HOMER2: variants seen among roughly 807,000 people sequenced by gnomAD.
The protein encoded by HOMER2 is homer protein homolog 2.
Under a neutral mutation model 47.0 loss-of-function variants are expected in HOMER2, and 27 were observed. That is an observed-to-expected ratio of 0.57 (90% CI 0.42 to 0.79). HOMER2 has a LOEUF of 0.79. Among genes scored for constraint, HOMER2 ranks in the 30% least tolerant of loss-of-function variants. The probability of loss-of-function intolerance (pLI) is 0.00; values close to 1 mark genes in which losing one functional copy is unlikely to be tolerated. For missense variants in HOMER2, 443 were observed against 435.0 expected, an observed-to-expected ratio of 1.02 and a Z score of -0.16; for synonymous variants, 161 against 163.8, an observed-to-expected ratio of 0.98 and a Z score of 0.13.
chr15:82,852,120 T>C (rs377071404), intron 7 of HOMER2, 22 bp downstream of exon 7: 2 of 1,578,876 alleles, frequency 1.3e-6, no homozygotes, highest in African/African-American at 2.7e-5. Context: ...CAAGGGGCCC[T>C]GCTCGGAGCA....
In HOMER2 at chr15:82,849,709, C is replaced by T. The variant is rs747264854; in HGVS notation, c.*6G>A. The T allele has an allele frequency of 1.9e-6, 3 of 1,611,396 alleles. No homozygotes were observed. The highest frequency in any genetic ancestry group is 2.2e-5 in the East Asian group (1 of 44,828). On this transcript the variant is annotated 3_prime_UTR_variant, in exon 9 of 9. Transcript: ENST00000450735. The stretch of plus-strand genomic sequence containing the variant: ...CTCACGGGCGGGGCCTGGGCCTCGG[C>T]CAGCCCTAGTTATCGGTGCCCAGCT...
rs564690199 is a variant in HOMER2 at position 82,867,058 on chromosome 15, T to C, written c.295-2799A>G. ...TGACTAAGGGGGAAACAGAAATTAA[T>C]GAGGAAGATTATTCAACATATAATT... On this transcript the variant is annotated intron_variant, in intron 3 of 8. Transcript: ENST00000450735. 3.3e-5 allele frequency among the ~76,000 whole-genome samples: 5 copies of C among 152,244 alleles called. 1 individual carries two copies. In the South Asian group the frequency reaches 1.0e-3, roughly 32 times the overall value.
exon 2 of HOMER2, chr15:82,958,772 G>C (rs1287035767): frequency 6.6e-6 from 1 of 152,462 alleles, no homozygotes; most frequent in African/African-American, 2.4e-5. Context: ...GCTGGGAACG[G>C]GTGGGGAGTC....
At position 82,849,012 on chromosome 15, in the gene HOMER2, T is replaced by TA. The variant is rs2051299240; in HGVS notation, c.*702dup. 1 of 151,884 alleles carries TA rather than the reference T, an allele frequency of 6.6e-6. No individual in the cohort carries two copies. The highest frequency in any genetic ancestry group is 2.4e-5 in the African/African-American group (1 of 41,460). 9.4% of individuals were successfully genotyped at this position (151,884 alleles called of 1,614,324 possible). A position where few individuals can be genotyped will look rare whatever the true frequency, so the allele number is the denominator to read the frequency against. On this transcript the variant is annotated 3_prime_UTR_variant, in exon 9 of 9. Transcript: ENST00000450735. ...ATTGAACAAATATTTATTAAGCACC[T>TA]ACTTTGTGCCAGACATTGTGCTAGG... is the stretch of plus-strand genomic sequence containing the variant.
intron 1 of HOMER2, chr15:82,985,412 T>G (rs1215546017): frequency 1.3e-5 from 2 of 152,154 alleles, no homozygotes; most frequent in African/African-American, 4.8e-5. Context: ...ACTGACACCG[T>G]GCAGGGGATG....
At chr15:82,845,260 A>ACACGCG (rs1416681556), downstream of HOMER2, 1 of 144,582 alleles carries the variant, frequency 6.9e-6, no homozygotes, top group South Asian at 2.2e-4. Context: ...ACACACACAC[A>ACACGCG]CGCGTGCGCA....
intron 1 of HOMER2, among the ~76,000 whole-genome samples, chr15:82,965,953 C>T (rs1463452699): frequency 6.6e-6 from 1 of 152,032 alleles, no homozygotes; most frequent in Non-Finnish European, 1.5e-5. Flanking sequence ...AATTAGCCAG[C>T]CATGGTGGCA....
chr15:82,857,726 C>T (rs1048368021), intron 5 of HOMER2, among the ~76,000 whole-genome samples: 1 of 152,068 alleles, frequency 6.6e-6, no homozygotes, highest in Non-Finnish European at 1.5e-5. Context: ...CCACCACGCC[C>T]AGCCAATACA....
At chr15:82,898,301 AAAGATTTAAG>A (rs1394926557) in intron 1 of HOMER2, 1 of 152,244 alleles carries the variant, frequency 6.6e-6, no homozygotes, top group Non-Finnish European at 1.5e-5. Context: ...ATATAAATAG[AAAGATTTAAG>A]AGAATCAGAA....
intron 1 of HOMER2, among the ~76,000 whole-genome samples, chr15:82,947,909 G>A (rs2054417722): frequency 1.3e-5 from 2 of 152,130 alleles, no homozygotes; most frequent in African/African-American, 4.8e-5. Flanking sequence ...GGGGGAAGAC[G>A]GATTATAAAT....
intron 8 of HOMER2, 146 bp downstream of exon 8, chr15:82,851,005 C>T (rs1013059100): frequency 9.3e-6 from 6 of 647,714 alleles, no homozygotes; most frequent in Admixed American, 2.7e-5. Flanking sequence ...TGCCATCTGG[C>T]GTGCAGTCAC....
intron 1 of HOMER2, among the ~76,000 whole-genome samples, chr15:82,919,930 T>C (rs1194645833): frequency 1.3e-5 from 2 of 152,220 alleles, no homozygotes; most frequent in East Asian, 3.8e-4. Context: ...TTTGTGATGT[T>C]TTCCTATTGC....
At chr15:82,848,031 C>A (rs561715130), downstream of HOMER2, among the ~76,000 whole-genome samples, 1 of 152,228 alleles carries the variant, frequency 6.6e-6, no homozygotes. Flanking sequence ...TGTACTCAAC[C>A]AAAGCCCCCA....
Position 82,892,904 on chromosome 15 carries a change from C to T in HOMER2, c.6-63G>A, listed in dbSNP as rs777266727. The T allele has an allele frequency of 1.3e-5, 17 of 1,298,692 alleles. No homozygotes were observed. The East Asian group carries it at 3.7e-4, about 28-fold the overall frequency. The allele number at this position is 1,298,692 out of a possible 1,614,324, so 80.4% of individuals were successfully genotyped here. ...TGACTTAATGTATAATTTATGATTT[C>T]TAGGCCACCTACTGCCCCAAAAGAT... On this transcript the variant is annotated intron_variant, in intron 1 of 8. Coordinates refer to ENST00000450735, the MANE Select transcript of HOMER2 (RefSeq NM_004839.4).
At chr15:82,873,799 A>C (rs1410297467) in intron 3 of HOMER2, among the ~76,000 whole-genome samples, 2 of 152,228 alleles carry the variant, frequency 1.3e-5, no homozygotes, top group East Asian at 3.8e-4. Flanking sequence ...GATGCAGAGG[A>C]CAGTCTGTGG....
At chr15:82,911,200 G>T (rs2053443814) in intron 1 of HOMER2, among the ~76,000 whole-genome samples, 1 of 152,116 alleles carries the variant, frequency 6.6e-6, no homozygotes, top group Non-Finnish European at 1.5e-5. Context: ...ATTAAACAAA[G>T]AAATCTTCAA....
chr15:82,882,333 C>A (rs1048931754), intron 2 of HOMER2, among the ~76,000 whole-genome samples: 1 of 152,202 alleles, frequency 6.6e-6, no homozygotes, highest in East Asian at 1.9e-4. Context: ...CTCATTCCCC[C>A]ACCCCCTTCT....
At chr15:82,917,520 A>C (rs2053621107) in intron 1 of HOMER2, among the ~76,000 whole-genome samples, 1 of 152,248 alleles carries the variant, frequency 6.6e-6, no homozygotes, top group Admixed American at 6.5e-5. Flanking sequence ...CATGATACCA[A>C]AGACACATGC....
chr15:82,916,843 C>A, intron 1 of HOMER2, among the ~76,000 whole-genome samples: 1 of 150,210 alleles, frequency 6.7e-6, no homozygotes, highest in South Asian at 2.1e-4. Context: ...CACTCTGTTG[C>A]CAGACTGGAG....
Sources: gnomAD v4.1 joint callset for allele counts (sites outside exome capture counted in the v4.1 genomes callset) on GRCh38, gnomAD v4.1.1 for gene constraint, MANE v1.5 for transcripts, NCBI Gene and HGNC (gene_info 2026-07-23, HGNC 2026-07-21) for gene names.